ZNF717: variants seen among roughly 807,000 people sequenced by gnomAD.
The protein encoded by ZNF717 is krueppel-like factor X17.
In ZNF717, 9 loss-of-function variants were observed where a neutral mutation model predicts 13.8. The ratio of observed to expected loss-of-function variants is 0.65; its 90% CI spans 0.39 to 1.14. ZNF717 has a LOEUF of 1.14. ZNF717 is among the 50% of genes most tolerant of loss of function. ZNF717 has a pLI of 0.01. For synonymous variants in ZNF717, 327 were observed against 364.1 expected (o/e 0.90, Z 1.16); for missense variants, 1,040 against 1,080.7 (o/e 0.96, Z 0.53).
intron 2 of ZNF717, among the ~76,000 whole-genome samples, chr3:75,749,458 A>G (rs780754364): frequency 6.6e-6 from 1 of 151,308 alleles, no homozygotes; most frequent in Admixed American, 6.6e-5. Context: ...TGTCCCTCAC[A>G]TACGATTCCG....
chr3:75,765,235 A>C (rs1180768712), intron 2 of ZNF717, among the ~76,000 whole-genome samples: 2 of 151,888 alleles, frequency 1.3e-5, no homozygotes, highest in East Asian at 3.9e-4. Flanking sequence ...AGGAGGGGGA[A>C]ATTAATAGTT....
At chr3:75,776,727 A>G (rs1021264575) in intron 2 of ZNF717, among the ~76,000 whole-genome samples, 20 of 152,240 alleles carry the variant, frequency 1.3e-4, no homozygotes, top group African/African-American at 4.8e-4. Flanking sequence ...GCTAACAAGG[A>G]CAGTTTCTCC....
downstream of ZNF717, among the ~76,000 whole-genome samples, chr3:75,725,749 C>T (rs1391314791): frequency 6.6e-6 from 1 of 152,188 alleles, no homozygotes; most frequent in African/African-American, 2.4e-5. Context: ...TCTCATGAGA[C>T]TTATTCACTA....
intron 2 of ZNF717, among the ~76,000 whole-genome samples, chr3:75,779,575 G>C (rs930314818): frequency 4.9e-5 from 7 of 143,736 alleles, no homozygotes; most frequent in Admixed American, 2.1e-4. Flanking sequence ...CGGGAGTGAC[G>C]TGCTAAAACC....
chr3:75,782,887 A>T (rs987067107), intron 2 of ZNF717, among the ~76,000 whole-genome samples: 4 of 152,052 alleles, frequency 2.6e-5, no homozygotes, highest in African/African-American at 7.3e-5. Context: ...CTTTAGCAGA[A>T]GATGACCGTT....
chr3:75,724,238 A>AGTCT (rs1938230355), intron 4 of ZNF717, among the ~76,000 whole-genome samples: 1 of 151,720 alleles, frequency 6.6e-6, no homozygotes, highest in African/African-American at 2.4e-5. Flanking sequence ...GGCCACTACT[A>AGTCT]GTCTCCACGT....
In ZNF717 at chr3:75,738,170, C is replaced by A; in HGVS notation, c.1453G>T (p.Gly485Trp). 7.9e-7 allele frequency: 1 copy of A among 1,272,306 alleles called. No individual in the cohort carries two copies. The allele number at this position is 1,272,306 out of a possible 1,614,324, so 78.8% of individuals were successfully genotyped here. A position where few individuals can be genotyped will look rare whatever the true frequency, so the allele number is the denominator to read the frequency against. Reference sequence around the variant, plus strand: ...AATGACTTACGGTGAAACGTTTTCCCACATTCATTGCATTCATAGGGTTTT... The same window carrying A: ...AATGACTTACGGTGAAACGTTTTCCAACATTCATTGCATTCATAGGGTTTT... The part of the protein sequence containing the change: ...GEKPYECNEC[G>W]KTFHRKSFLT... The change falls in exon 5 of 5, where the codon GGG becomes TGG. Residue 485 changes from glycine (G) to tryptophan (W), a missense_variant. By Grantham distance (184) the Gly-to-Trp change is radical. This residue lies in a region of ZNF717 where 873 missense variants were observed against 832.8 expected (regional missense o/e 1.05). Transcript: ENST00000652011.
intron 2 of ZNF717, among the ~76,000 whole-genome samples, chr3:75,776,540 C>A (rs1341530318): frequency 6.6e-6 from 1 of 152,198 alleles, no homozygotes; most frequent in African/African-American, 2.4e-5. Context: ...GACAGCGAAC[C>A]CCTTCACAAT....
Position 75,697,821 on chromosome 3 carries a change from A to G in ZNF717, n.1085+13366T>C, listed in dbSNP as rs888513805. ...GAGGTTGGAAGAGTTTGTAGGATTC[A>G]GAAGAAGACAGAAAAATGAGAGAAA... is the stretch of plus-strand genomic sequence containing the variant. On this transcript the variant is annotated intron_variant and non_coding_transcript_variant, in intron 6 of 6. Coordinates refer to the ZNF717 transcript ENST00000648506. Among the ~76,000 whole-genome samples, 715 of 145,504 alleles carry G rather than the reference A, an allele frequency of 4.9e-3. No individual in the cohort carries two copies. The South Asian group carries it at 0.055, about 11-fold the overall frequency.
chr3:75,726,296 CA>C (rs1198744361), downstream of ZNF717, among the ~76,000 whole-genome samples: 2 of 152,238 alleles, frequency 1.3e-5, no homozygotes. Flanking sequence ...GACCAAACAT[CA>C]GAGAGAGAGA....
chr3:75,768,372 G>GGGGA (rs1943652144), intron 2 of ZNF717, among the ~76,000 whole-genome samples: 1 of 100,882 alleles, frequency 9.9e-6, no homozygotes, highest in Non-Finnish European at 2.1e-5. Context: ...GGGGGGGGGG[G>GGGGA]TAGATGACAG....
chr3:75,776,299 G>C (rs942979841), intron 2 of ZNF717, among the ~76,000 whole-genome samples: 1 of 152,258 alleles, frequency 6.6e-6, no homozygotes, highest in Non-Finnish European at 1.5e-5. Flanking sequence ...CCAATGTTTG[G>C]TTTGTCAAAC....
intron 2 of ZNF717, among the ~76,000 whole-genome samples, chr3:75,756,568 A>G (rs946531135): frequency 3.9e-5 from 6 of 152,288 alleles, no homozygotes; most frequent in Non-Finnish European, 8.8e-5. Flanking sequence ...CATGAATGAT[A>G]AAAAGCTAAA....
At chr3:75,780,094 A>G (rs1406994334) in intron 2 of ZNF717, among the ~76,000 whole-genome samples, 1 of 150,458 alleles carries the variant, frequency 6.6e-6, no homozygotes, top group Admixed American at 6.6e-5. Flanking sequence ...AATGGGAGTG[A>G]CGTGCTAAGC....
At chr3:75,696,508 A>G (rs1250399228) in intron 6 of ZNF717, among the ~76,000 whole-genome samples, 1 of 152,310 alleles carries the variant, frequency 6.6e-6, no homozygotes, top group African/African-American at 2.4e-5. Flanking sequence ...ACAACACACA[A>G]ACAGGTAATT....
chr3:75,782,048 C>T lies in ZNF717; in HGVS notation c.57+1258G>A, dbSNP rs183011641. Among the ~76,000 whole-genome samples, 265 of 152,246 alleles carry T rather than the reference C, an allele frequency of 1.7e-3. 1 individual carries two copies. Among genetic ancestry groups the T allele is most frequent in the African/African-American group, 5.3e-3 (219 of 41,548 alleles). ...TTTCGTGCGTTAGCCATCTCTCAGT[C>T]GCTGGCTAATAAAGGACTCCTGAAC... is the stretch of plus-strand genomic sequence containing the variant. On this transcript the variant is annotated intron_variant, in intron 2 of 4. Transcript: ENST00000652011.
chr3:75,756,882 G>A (rs1011503134), intron 2 of ZNF717, among the ~76,000 whole-genome samples: 73 of 152,268 alleles, frequency 4.8e-4, no homozygotes, highest in African/African-American at 1.7e-3. Context: ...CTCCACGTTG[G>A]TCACACTGGT....
chr3:75,765,015 A>ATGTGTGTGTG (rs1943341482), intron 2 of ZNF717, among the ~76,000 whole-genome samples: 2 of 28,562 alleles, frequency 7.0e-5, no homozygotes, highest in African/African-American at 2.1e-4. Context: ...ATATATATAT[A>ATGTGTGTGTG]TATATATATA....
chr3:75,696,906 AAAAAAAAAAAAC>A (rs1575756705), intron 6 of ZNF717, among the ~76,000 whole-genome samples: 77 of 14,558 alleles, frequency 5.3e-3, no homozygotes, highest in Admixed American at 6.5e-3. Flanking sequence ...AAAAAAAAAA[AAAAAAAAAAAAC>A]AAGGACAAAA....
Sources: allele counts gnomAD v4.1 joint callset (sites outside exome capture counted in the v4.1 genomes callset), GRCh38; gene constraint gnomAD v4.1.1; regional missense constraint gnomAD v4.1.1; transcripts MANE v1.5; gene names NCBI Gene and HGNC (gene_info 2026-07-23, HGNC 2026-07-21).